ZC3H3: variants seen among roughly 807,000 people sequenced by gnomAD.
ZC3H3 encodes the protein zinc finger CCCH domain-containing protein 3.
A neutral mutation model predicts 77.3 loss-of-function variants in ZC3H3; 36 were observed. The ratio of observed to expected loss-of-function variants is 0.47; its 90% confidence interval spans 0.36 to 0.61. The LOEUF (loss-of-function observed/expected upper bound fraction) is 0.61. Ranked by LOEUF, ZC3H3 falls within the 20% of genes least tolerant of loss-of-function variation. The pLI is 0.00. For missense variants in ZC3H3, 1,331 were observed against 1,312.2 expected (o/e 1.01, Z -0.22); for synonymous variants, 626 against 555.2 (o/e 1.13, Z -1.79).
chr8:143,505,017 G>C (rs973743283), intron 4 of ZC3H3, among the ~76,000 whole-genome samples: 2 of 152,194 alleles, frequency 1.3e-5, no homozygotes, highest in African/African-American at 4.8e-5. Flanking sequence ...TCACAGTGAG[G>C]GGTCGGCTGG....
In ZC3H3 at chr8:143,533,597, C is replaced by T. The variant is rs540260321; in HGVS notation, c.1561+2660G>A. Among the ~76,000 whole-genome samples the T allele has an allele frequency of 3.1e-4, 47 of 152,242 alleles. No individual in the cohort carries two copies. Among genetic ancestry groups the T allele is most frequent in the African/African-American group, 1.1e-3 (44 of 41,542 alleles). Reference sequence around the variant, plus strand: ...ACTCAACCACGCTTGCCAGTTGGGCCAGTGGTGGGCAAGTGAGTGGGACGC... The same window carrying T: ...ACTCAACCACGCTTGCCAGTTGGGCTAGTGGTGGGCAAGTGAGTGGGACGC... On this transcript the variant is annotated intron_variant, in intron 3 of 11. Coordinates refer to ENST00000262577, the MANE Select transcript of ZC3H3 (RefSeq NM_015117.3). This position sits in a 1 kb window ranked among gnomAD's most constrained non-coding sequence, Gnocchi z 4.0.
intron 3 of ZC3H3, among the ~76,000 whole-genome samples, chr8:143,520,615 C>T (rs543306027): frequency 2.0e-5 from 3 of 152,320 alleles, no homozygotes; most frequent in East Asian, 3.9e-4. Context: ...CCAAGTTTTG[C>T]GTCCTCCAAT....
intron 9 of ZC3H3, among the ~76,000 whole-genome samples, chr8:143,449,284 A>C (rs1470979498): frequency 6.6e-6 from 1 of 152,176 alleles, no homozygotes; most frequent in African/African-American, 2.4e-5. Flanking sequence ...CTTTTCTACT[A>C]CATGGCCAGG....
At chr8:143,472,446 C>G (rs1820595163) in intron 5 of ZC3H3, among the ~76,000 whole-genome samples, 1 of 152,228 alleles carries the variant, frequency 6.6e-6, no homozygotes, top group African/African-American at 2.4e-5. Context: ...CGGGGAGACA[C>G]AGCAGCACCA....
chr8:143,496,850 G>A (rs1012950775), intron 4 of ZC3H3, among the ~76,000 whole-genome samples: 24 of 152,236 alleles, frequency 1.6e-4, no homozygotes, highest in Admixed American at 9.8e-4. Context: ...CCAAAATTGC[G>A]AATCTGCATC....
Position 143,539,127 on chromosome 8 carries a change from G to A in ZC3H3, c.240C>T (p.Pro80=). The change falls in exon 2 of 12, where the codon CCC becomes CCT. Residue 80 remains proline (P), a synonymous_variant. Transcript: ENST00000262577. ...CGGCAGGAGGGTCTGAGGGTCCCGG[G>A]GGCCGATTCACGAGGGAGTATTTCT... The part of the protein sequence containing the change: ...WRKKYSLVNR[P]PGPSDPPADH... The A allele has an allele frequency of 1.2e-6, 2 of 1,613,002 alleles. No individual in the cohort carries two copies. The highest frequency in any genetic ancestry group is 1.1e-5 in the South Asian group (1 of 91,088).
chr8:143,455,735 G>C (rs940650705), intron 9 of ZC3H3, among the ~76,000 whole-genome samples: 3 of 152,142 alleles, frequency 2.0e-5, no homozygotes, highest in African/African-American at 7.2e-5. Flanking sequence ...CACTTTGGGA[G>C]ACCTAGGCGG....
At chr8:143,490,261 C>A (rs1183540166) in intron 4 of ZC3H3, among the ~76,000 whole-genome samples, 5 of 152,224 alleles carry the variant, frequency 3.3e-5, no homozygotes, top group Non-Finnish European at 5.9e-5. Context: ...TCTCTGAGGG[C>A]CCACATAGCA....
chr8:143,468,543 G>A lies in ZC3H3; in HGVS notation c.1947-3C>T, dbSNP rs775692484. On this transcript the variant is annotated splice_region_variant and splice_polypyrimidine_tract_variant and intron_variant, in intron 6 of 11. Coordinates refer to ENST00000262577, the MANE Select transcript of ZC3H3 (RefSeq NM_015117.3). ...CCAGGCTGCGCTGCACTGCCCGGCTGCAGACGGGGAGAGAGGTGCGTGAGC... is the reference window on the plus strand; with the variant it reads ...CCAGGCTGCGCTGCACTGCCCGGCTACAGACGGGGAGAGAGGTGCGTGAGC... The A allele has an allele frequency of 1.2e-6, 2 of 1,606,496 alleles. No homozygotes were observed. Among genetic ancestry groups the A allele is most frequent in the South Asian group, 1.1e-5 (1 of 89,858 alleles).
intron 3 of ZC3H3, among the ~76,000 whole-genome samples, chr8:143,510,936 G>A (rs1335175028): frequency 1.3e-5 from 2 of 152,086 alleles, no homozygotes; most frequent in Admixed American, 6.5e-5. Context: ...CCCCACACAC[G>A]CAGCCCTCTC....
chr8:143,488,509 T>C lies in ZC3H3; in HGVS notation c.1716-12924A>G, dbSNP rs867650667. Among the ~76,000 whole-genome samples, 236 of 144,304 alleles carry C rather than the reference T, an allele frequency of 1.6e-3. 5 individuals are homozygous for C. Among genetic ancestry groups the C allele is most frequent in the African/African-American group, 6.4e-3 (229 of 35,772 alleles). 94.7% of individuals were successfully genotyped at this position (144,304 alleles called of 152,430 possible). Reference sequence around the variant, plus strand: ...GAACAGCACCCGCTACACGGCCCCATCACCACGAAGCTCAGACACAGAACA... The same window carrying C: ...GAACAGCACCCGCTACACGGCCCCACCACCACGAAGCTCAGACACAGAACA... On this transcript the variant is annotated intron_variant, in intron 4 of 11. Transcript: ENST00000262577.
At chr8:143,469,930 G>T (rs893216527) in intron 5 of ZC3H3, among the ~76,000 whole-genome samples, 4 of 152,158 alleles carry the variant, frequency 2.6e-5, no homozygotes, top group Admixed American at 6.5e-5. Flanking sequence ...AGAAATTCTG[G>T]GGACCTGAGG....
intron 5 of ZC3H3, among the ~76,000 whole-genome samples, chr8:143,472,039 G>A (rs753804109): frequency 1.6e-4 from 25 of 152,318 alleles, no homozygotes; most frequent in Non-Finnish European, 2.2e-4. Context: ...GCTGGCCAGC[G>A]GGACACCGGA....
intron 5 of ZC3H3, among the ~76,000 whole-genome samples, chr8:143,474,842 G>A (rs1820682289): frequency 6.6e-6 from 1 of 152,264 alleles, no homozygotes; most frequent in Non-Finnish European, 1.5e-5. Context: ...TCCCTGGGCT[G>A]GGAGGGCGCA....
intron 9 of ZC3H3, among the ~76,000 whole-genome samples, chr8:143,464,714 C>A (rs775451204): frequency 9.9e-5 from 15 of 152,148 alleles, no homozygotes; most frequent in Non-Finnish European, 1.8e-4. Flanking sequence ...CCTGAGGCAG[C>A]GCCAACACAA....
At chr8:143,443,397 T>C (rs1305096079) in intron 9 of ZC3H3, among the ~76,000 whole-genome samples, 1 of 152,066 alleles carries the variant, frequency 6.6e-6, no homozygotes, top group Non-Finnish European at 1.5e-5. Flanking sequence ...AAATGAATCT[T>C]AAATTTCAAA....
chr8:143,529,630 C>T (rs554493122), intron 3 of ZC3H3, among the ~76,000 whole-genome samples: 5 of 152,244 alleles, frequency 3.3e-5, no homozygotes, highest in South Asian at 2.1e-4. Context: ...ACTGGGCGGG[C>T]GGCCAGGGCT....
intron 5 of ZC3H3, among the ~76,000 whole-genome samples, chr8:143,474,687 C>T (rs918192651): frequency 6.6e-6 from 1 of 152,258 alleles, no homozygotes; most frequent in African/African-American, 2.4e-5. Context: ...ATGGCCCAGC[C>T]TCTGCAATCC....
At position 143,465,744 on chromosome 8, in the gene ZC3H3, G is replaced by C; in HGVS notation, c.2280C>G (p.Leu760=). 6.2e-7 allele frequency: 1 copy of C among 1,613,952 alleles called. No homozygotes were observed. Among genetic ancestry groups the C allele is most frequent in the Non-Finnish European group, 8.5e-7 (1 of 1,180,004 alleles). ...TTGCACCCAGGGGGCAGTAGCCTTT[G>C]AGGAAGTCGCTGCAGACCTCGGCCT... The part of the protein sequence containing the change: ...SRKAEVCSDF[L]KGYCPLGAKC... The change falls in exon 9 of 12, where the codon CTC becomes CTG. Residue 760 remains leucine, a synonymous_variant. Coordinates refer to ENST00000262577, the MANE Select transcript of ZC3H3 (RefSeq NM_015117.3).
Sources: gnomAD v4.1 joint callset for allele counts (sites outside exome capture counted in the v4.1 genomes callset) on GRCh38, gnomAD v4.1.1 for gene constraint, Gnocchi (gnomAD v3.1) non-coding constraint, MANE v1.5 for transcripts, NCBI Gene and HGNC (gene_info 2026-07-23, HGNC 2026-07-21) for gene names.